Variants in PEMT observed in about 807,000 individuals in gnomAD.
PEMT encodes the protein phosphatidylethanolamine N-methyltransferase.
In PEMT, 23 loss-of-function variants were observed where a neutral mutation model predicts 27.4. The ratio of observed to expected loss-of-function variants is 0.84; its 90% confidence interval spans 0.60 to 1.19. The LOEUF is 1.19. Among genes scored for constraint, PEMT ranks in the 50% most tolerant of loss-of-function variants. The probability of loss-of-function intolerance (pLI) is 0.00; values close to 1 mark genes in which losing one functional copy is unlikely to be tolerated. For synonymous variants in PEMT, 137 were observed against 139.1 expected (o/e 0.98, Z 0.11); for missense variants, 307 against 310.1 (o/e 0.99, Z 0.07).
At chr17:17,553,805 G>A (rs1261721150) in intron 2 of PEMT, among the ~76,000 whole-genome samples, 1 of 152,206 alleles carries the variant, frequency 6.6e-6, no homozygotes, top group African/African-American at 2.4e-5. Context: ...AACTTCTCTG[G>A]ACAACTCTCC....
chr17:17,588,368 A>C lies in PEMT; in HGVS notation c.96+3163T>G, dbSNP rs1053273619. 3.3e-5 allele frequency among the ~76,000 whole-genome samples: 5 copies of C among 152,102 alleles called. No individual in the cohort carries two copies. The East Asian group carries it at 9.7e-4, about 29-fold the overall frequency. Reference sequence around the variant, plus strand: ...CAAGATACCCCGCATCGGCCATCGGAGCTTTGCCTCCAGGGTCTTACTCGG... The same window carrying C: ...CAAGATACCCCGCATCGGCCATCGGCGCTTTGCCTCCAGGGTCTTACTCGG... On this transcript the variant is annotated intron_variant, in intron 1 of 6. Coordinates refer to ENST00000255389, the MANE Select transcript of PEMT (RefSeq NM_148172.3).
At chr17:17,574,045 C>T (rs1911397664) in intron 2 of PEMT, among the ~76,000 whole-genome samples, 1 of 152,016 alleles carries the variant, frequency 6.6e-6, no homozygotes, top group Non-Finnish European at 1.5e-5. Context: ...CTTCTGGCAT[C>T]ACAGAGCTGG....
intron 2 of PEMT, among the ~76,000 whole-genome samples, chr17:17,547,865 G>A (rs1909368863): frequency 1.3e-5 from 2 of 152,190 alleles, no homozygotes; most frequent in Admixed American, 1.3e-4. Context: ...GCTAGTGAGG[G>A]GCATGGAAAA....
chr17:17,583,285 A>G (rs919647412), intron 1 of PEMT, among the ~76,000 whole-genome samples: 13 of 152,052 alleles, frequency 8.5e-5, no homozygotes, highest in African/African-American at 3.1e-4. Flanking sequence ...CTGAAGCAGG[A>G]GAATCGCTTC....
At chr17:17,581,702 CT>C (rs1012881739) in intron 1 of PEMT, among the ~76,000 whole-genome samples, 5 of 152,246 alleles carry the variant, frequency 3.3e-5, no homozygotes, top group Non-Finnish European at 7.3e-5. Context: ...CCCCTCCCCC[CT>C]CTCCCTCCTG....
intron 2 of PEMT, among the ~76,000 whole-genome samples, chr17:17,560,952 C>A (rs949470606): frequency 6.6e-6 from 1 of 152,028 alleles, no homozygotes; most frequent in African/African-American, 2.4e-5. Context: ...GAACCCTGGG[C>A]CTGGCCTGAC....
chr17:17,570,114 T>A (rs900887689), intron 2 of PEMT, among the ~76,000 whole-genome samples: 1 of 152,206 alleles, frequency 6.6e-6, no homozygotes, highest in East Asian at 1.9e-4. Context: ...TGCCTGGACA[T>A]CCATTTCTGC....
chr17:17,531,805 C>G (rs1908120722), intron 2 of PEMT, among the ~76,000 whole-genome samples: 1 of 151,912 alleles, frequency 6.6e-6, no homozygotes, highest in African/African-American at 2.4e-5. Flanking sequence ...TCTTTATGAT[C>G]TTGGATTATA....
At chr17:17,537,029 G>A (rs1908523319) in intron 2 of PEMT, among the ~76,000 whole-genome samples, 1 of 152,268 alleles carries the variant, frequency 6.6e-6, no homozygotes, top group Non-Finnish European at 1.5e-5. Flanking sequence ...GGGGGCACGG[G>A]AGGGACAGGG....
chr17:17,538,689 A>G (rs1908664470), intron 2 of PEMT, among the ~76,000 whole-genome samples: 1 of 152,272 alleles, frequency 6.6e-6, no homozygotes, highest in Non-Finnish European at 1.5e-5. Flanking sequence ...GCAGCTTTTT[A>G]AAGTGTCTTT....
At chr17:17,522,215 C>A in intron 3 of PEMT, 65 bp downstream of exon 3, 1 of 1,179,162 alleles carries the variant, frequency 8.5e-7, no homozygotes, top group East Asian at 2.4e-5. Flanking sequence ...GGATGAGGTA[C>A]CACCAGTAGC....
intron 2 of PEMT, among the ~76,000 whole-genome samples, chr17:17,567,453 A>G (rs1002107334): frequency 6.6e-5 from 10 of 152,264 alleles, no homozygotes; most frequent in Admixed American, 1.3e-4. Context: ...GCAGTGCCCC[A>G]GGGGCAGCAG....
chr17:17,509,066 G>A (rs536166849), intron 5 of PEMT, among the ~76,000 whole-genome samples: 10 of 152,394 alleles, frequency 6.6e-5, no homozygotes, highest in African/African-American at 2.4e-4. Context: ...AAAAGAATCT[G>A]AAATTTAGGC....
rs911610371 is a variant in PEMT at position 17,507,064 on chromosome 17, A to C, written c.579-763T>G. On this transcript the variant is annotated intron_variant, in intron 5 of 6. Transcript: ENST00000255389. ...TCCTGACCCCGCCACACCAGTAAGC[A>C]GCGGCAGCTCGTCAGTGACGGCACC... 3.7e-6 allele frequency: 4 copies of C among 1,079,276 alleles called. No individual in the cohort carries two copies. The African/African-American group carries it at 6.3e-5, about 17-fold the overall frequency. 66.9% of individuals were successfully genotyped at this position (1,079,276 alleles called of 1,614,324 possible). A position where few individuals can be genotyped will look rare whatever the true frequency, so the allele number is the denominator to read the frequency against.
At chr17:17,522,435 G>C (rs1465975065) in intron 2 of PEMT, 40 bp from the exon 3 acceptor site, 1 of 1,355,362 alleles carries the variant, frequency 7.4e-7, no homozygotes, top group South Asian at 1.2e-5. Context: ...ATATTTCCTG[G>C]GGAGACTCCA....
chr17:17,524,758 C>A (rs1022278743), intron 2 of PEMT, among the ~76,000 whole-genome samples: 1 of 152,014 alleles, frequency 6.6e-6, no homozygotes, highest in African/African-American at 2.4e-5. Flanking sequence ...AAAAAAAATT[C>A]TGTAGCCATC....
chr17:17,588,960 G>A (rs1449003821), intron 1 of PEMT, among the ~76,000 whole-genome samples: 1 of 152,332 alleles, frequency 6.6e-6, no homozygotes, highest in Non-Finnish European at 1.5e-5. Context: ...GATTCTTTGG[G>A]TTGTTTGTTT....
intron 5 of PEMT, chr17:17,507,324 C>G: frequency 1.3e-6 from 1 of 766,314 alleles, no homozygotes; most frequent in East Asian, 2.7e-5. Context: ...CTTGGCTGCC[C>G]CTGTGCCAAG....
intron 2 of PEMT, among the ~76,000 whole-genome samples, chr17:17,550,172 C>A (rs1261042916): frequency 6.6e-6 from 1 of 152,216 alleles, no homozygotes; most frequent in Non-Finnish European, 1.5e-5. Context: ...CCCCACCACC[C>A]CCCTCTGGAA....
Sources: gnomAD v4.1 joint callset for allele counts (sites outside exome capture counted in the v4.1 genomes callset) on GRCh38, gnomAD v4.1.1 for gene constraint, MANE v1.5 for transcripts, NCBI Gene and HGNC (gene_info 2026-07-23, HGNC 2026-07-21) for gene names.